ARHGAP24: variants seen among roughly 807,000 people sequenced by gnomAD.
ARHGAP24 encodes the protein Rho GTPase activating protein 24.
ARHGAP24 carries 50 observed loss-of-function variants against 76.4 expected under a neutral mutation model. The ratio of observed to expected loss-of-function variants is 0.65; its 90% confidence interval spans 0.52 to 0.83. ARHGAP24 has a LOEUF of 0.83. Among genes scored for constraint, ARHGAP24 ranks in the 40% least tolerant of loss-of-function variants. The probability of loss-of-function intolerance (pLI) is 0.00; values close to 1 mark genes in which losing one functional copy is unlikely to be tolerated. For missense variants in ARHGAP24, 930 were observed against 914.2 expected, an observed-to-expected ratio of 1.02 and a Z score of -0.22; for synonymous variants, 345 against 323.3, an observed-to-expected ratio of 1.07 and a Z score of -0.72.
chr4:85,758,765 C>T (rs1726623929), intron 3 of ARHGAP24, among the ~76,000 whole-genome samples: 2 of 152,098 alleles, frequency 1.3e-5, no homozygotes. Flanking sequence ...TTCAAATCTT[C>T]ATGCACCACA....
At chr4:85,691,590 G>A (rs886449986) in intron 2 of ARHGAP24, among the ~76,000 whole-genome samples, 2 of 151,946 alleles carry the variant, frequency 1.3e-5, no homozygotes, top group East Asian at 1.9e-4. Flanking sequence ...ATCATTACGC[G>A]ATGCCCTTCT....
chr4:85,604,309 T>C (rs1477784085), intron 2 of ARHGAP24: 1 of 152,228 alleles, frequency 6.6e-6, no homozygotes, highest in African/African-American at 2.4e-5. Context: ...AAACTGTGAG[T>C]ATATCTTTAA....
intron 3 of ARHGAP24, among the ~76,000 whole-genome samples, chr4:85,821,819 A>G (rs1387224914): frequency 6.6e-6 from 1 of 152,236 alleles, no homozygotes; most frequent in African/African-American, 2.4e-5. Flanking sequence ...TTCAGCTTCC[A>G]AAAATAACTC....
At chr4:85,998,672 C>CA in intron 9 of ARHGAP24, among the ~76,000 whole-genome samples, 1 of 152,180 alleles carries the variant, frequency 6.6e-6, no homozygotes. Context: ...TTCTAGGTAA[C>CA]TTTTCTCAGA....
chr4:86,000,949 T>C lies in ARHGAP24; in HGVS notation c.*227T>C, dbSNP rs1339898835. ...TACAACTGGATATGTGTATATAGAG[T>C]AGTTTTTCAAAAGTAAACTAAAAAT... On this transcript the variant is annotated 3_prime_UTR_variant, in exon 10 of 10. Transcript: ENST00000395184. The C allele has an allele frequency of 1.7e-6, 1 of 573,056 alleles. No individual in the cohort carries two copies. The allele number at this position is 573,056 out of a possible 1,614,324, so 35.5% of individuals were successfully genotyped here.
intron 3 of ARHGAP24, among the ~76,000 whole-genome samples, chr4:85,895,215 A>G (rs1734111010): frequency 6.6e-6 from 1 of 152,070 alleles, no homozygotes; most frequent in Non-Finnish European, 1.5e-5. Context: ...AATAAAAGTA[A>G]TATATTTAGC....
chr4:85,714,788 AG>A (rs1724673829), intron 2 of ARHGAP24, among the ~76,000 whole-genome samples: 1 of 152,116 alleles, frequency 6.6e-6, no homozygotes, highest in African/African-American at 2.4e-5. Flanking sequence ...TCCCCCTGGT[AG>A]TACCCCCAGG....
intron 2 of ARHGAP24, among the ~76,000 whole-genome samples, chr4:85,687,173 T>C (rs1723453593): frequency 6.6e-6 from 1 of 152,150 alleles, no homozygotes; most frequent in Non-Finnish European, 1.5e-5. Context: ...AAATTAGAAG[T>C]TGTAAAGATG....
intron 3 of ARHGAP24, among the ~76,000 whole-genome samples, chr4:85,731,231 A>C (rs1008980159): frequency 1.3e-5 from 2 of 152,104 alleles, no homozygotes; most frequent in African/African-American, 2.4e-5. Context: ...CAAATATCTG[A>C]GACTTAAGAG....
intron 3 of ARHGAP24, among the ~76,000 whole-genome samples, chr4:85,828,210 G>A (rs1450018624): frequency 6.6e-6 from 1 of 152,190 alleles, no homozygotes; most frequent in Non-Finnish European, 1.5e-5. Context: ...GATCGTTATA[G>A]TGCAGTGTTT....
intron 6 of ARHGAP24, among the ~76,000 whole-genome samples, chr4:85,973,928 C>T (rs1010965251): frequency 1.2e-4 from 17 of 141,710 alleles, no homozygotes; most frequent in Admixed American, 2.3e-4. Flanking sequence ...CTGCAAGCTC[C>T]GCCTCCAGGG....
chr4:85,582,532 G>A (rs1041861111), intron 2 of ARHGAP24, among the ~76,000 whole-genome samples: 1 of 152,016 alleles, frequency 6.6e-6, no homozygotes, highest in Non-Finnish European at 1.5e-5. Flanking sequence ...AACTTGGCTG[G>A]ATTTTTAAAA....
intron 3 of ARHGAP24, among the ~76,000 whole-genome samples, chr4:85,790,397 A>C (rs1262523688): frequency 1.3e-5 from 2 of 152,190 alleles, no homozygotes; most frequent in Non-Finnish European, 2.9e-5. Context: ...AGATACAATC[A>C]ATCTTGAAAA....
chr4:85,678,151 G>T (rs1006094444), intron 2 of ARHGAP24, among the ~76,000 whole-genome samples: 10 of 152,100 alleles, frequency 6.6e-5, no homozygotes, highest in Non-Finnish European at 1.3e-4. Flanking sequence ...GGAGGATCAC[G>T]TTAGGCCAGG....
rs147731240 is a variant in ARHGAP24, at chr4:85,780,841, G to A, written c.268+58869G>A. Among the ~76,000 whole-genome samples the A allele has an allele frequency of 2.0e-3, 311 of 152,330 alleles. 1 individual carries two copies. Among genetic ancestry groups the A allele is most frequent in the African/African-American group, 7.1e-3 (294 of 41,580 alleles). On this transcript the variant is annotated intron_variant, in intron 3 of 9. Transcript: ENST00000395184. ...GTGTTCTGTAGTAGAGGTTGCCATG[G>A]AAGTAGTTCTGGAATAAGTAATGTG...
At chr4:85,724,014 CATG>C (rs1725061338) in intron 3 of ARHGAP24, among the ~76,000 whole-genome samples, 1 of 152,114 alleles carries the variant, frequency 6.6e-6, no homozygotes, top group Non-Finnish European at 1.5e-5. Flanking sequence ...AATTGTTTAA[CATG>C]ATAATTTGGG....
chr4:85,595,211 G>A (rs1330037275), intron 2 of ARHGAP24, among the ~76,000 whole-genome samples: 1 of 152,082 alleles, frequency 6.6e-6, no homozygotes, highest in Non-Finnish European at 1.5e-5. Context: ...TTCTCAGGTT[G>A]ATGGAACATA....
chr4:85,553,083 T>C (rs936060485), intron 1 of ARHGAP24, among the ~76,000 whole-genome samples: 2 of 152,064 alleles, frequency 1.3e-5, no homozygotes, highest in African/African-American at 4.8e-5. Context: ...ACCTTCGCAG[T>C]GAGCATTACA....
chr4:85,801,615 A>T (rs1728580401), intron 3 of ARHGAP24, among the ~76,000 whole-genome samples: 4 of 152,246 alleles, frequency 2.6e-5, no homozygotes, highest in Admixed American at 2.6e-4. Flanking sequence ...GATTGCTGAG[A>T]CTGTTACATT....
Sources: gnomAD v4.1 joint callset for allele counts (sites outside exome capture counted in the v4.1 genomes callset) on GRCh38, gnomAD v4.1.1 for gene constraint, MANE v1.5 for transcripts, NCBI Gene and HGNC (gene_info 2026-07-23, HGNC 2026-07-21) for gene names.